CDH18: variants seen among roughly 807,000 people sequenced by gnomAD.
CDH18 encodes the protein cadherin 18.
A neutral mutation model predicts 67.9 loss-of-function variants in CDH18; 31 were observed. The ratio of observed to expected loss-of-function variants is 0.46; its 90% CI spans 0.34 to 0.62. The LOEUF is 0.62. Among genes scored for constraint, CDH18 ranks in the 20% least tolerant of loss-of-function variants. The probability of loss-of-function intolerance (pLI) is 0.01; values close to 1 mark genes in which losing one functional copy is unlikely to be tolerated. For synonymous variants in CDH18, 362 were observed against 347.2 expected (o/e 1.04, Z -0.48); for missense variants, 890 against 975.5 (o/e 0.91, Z 1.17).
At chr5:19,749,959 A>G (rs943869749) in intron 3 of CDH18, among the ~76,000 whole-genome samples, 46 of 151,964 alleles carry the variant, frequency 3.0e-4, no homozygotes, top group African/African-American at 9.9e-4. Flanking sequence ...ATAACCTTAC[A>G]CCAAATATTA....
intron 2 of CDH18, among the ~76,000 whole-genome samples, chr5:19,921,944 G>T (rs1485247818): frequency 6.6e-6 from 1 of 151,346 alleles, no homozygotes; most frequent in Admixed American, 6.6e-5. Flanking sequence ...ATTCTAAATC[G>T]AAAACCTTTG....
At chr5:20,091,844 T>C (rs1403463890) in intron 2 of CDH18, among the ~76,000 whole-genome samples, 1 of 151,822 alleles carries the variant, frequency 6.6e-6, no homozygotes, top group Non-Finnish European at 1.5e-5. Context: ...ACCACAAAAC[T>C]TTGGTGACAT....
At chr5:19,568,428 C>T (rs1740805744) in intron 8 of CDH18, among the ~76,000 whole-genome samples, 1 of 152,120 alleles carries the variant, frequency 6.6e-6, no homozygotes, top group South Asian at 2.1e-4. Context: ...TGGTAGTCTG[C>T]AATCCAGAAG....
chr5:20,462,512 T>C (rs76275120), intron 1 of CDH18, among the ~76,000 whole-genome samples: 9,751 of 152,270 alleles, frequency 0.064, 995 homozygotes, highest in African/African-American at 0.21. Flanking sequence ...GTTCCCAACA[T>C]ATAGAAATGA....
chr5:20,314,387 T>C (rs1737272764), intron 1 of CDH18, among the ~76,000 whole-genome samples: 1 of 152,056 alleles, frequency 6.6e-6, no homozygotes, highest in African/African-American at 2.4e-5. Context: ...TCTTTAACAT[T>C]TCCTTTCACC....
chr5:19,492,110 T>C (rs1741575162), intron 11 of CDH18, among the ~76,000 whole-genome samples: 1 of 152,138 alleles, frequency 6.6e-6, no homozygotes, highest in African/African-American at 2.4e-5. Context: ...ACAAATTAAA[T>C]GTGATTTAGA....
chr5:20,038,549 T>C lies in CDH18; in HGVS notation c.-517-46535A>G, dbSNP rs188477539. Among the ~76,000 whole-genome samples the C allele has an allele frequency of 3.7e-4, 56 of 152,198 alleles. No homozygotes were observed. The East Asian group carries it at 3.9e-3, about 10-fold the overall frequency. On this transcript the variant is annotated intron_variant, in intron 2 of 14. Transcript: ENST00000507958. ...TGCAAGCTGGTTCAACATATGCAAA[T>C]CAACAAATGTAATCCATCACATAAA...
chr5:20,089,585 A>G (rs1745254406), intron 2 of CDH18, among the ~76,000 whole-genome samples: 1 of 152,180 alleles, frequency 6.6e-6, no homozygotes, highest in Non-Finnish European at 1.5e-5. Flanking sequence ...ACATTAAAAT[A>G]TGTTAAAAAT....
intron 1 of CDH18, among the ~76,000 whole-genome samples, chr5:20,537,543 G>A (rs990806377): frequency 1.3e-5 from 2 of 151,882 alleles, no homozygotes; most frequent in Non-Finnish European, 2.9e-5. Flanking sequence ...TTTTTTAAAA[G>A]CCTAGAAATA....
At chr5:20,148,982 A>G (rs942427508) in intron 2 of CDH18, among the ~76,000 whole-genome samples, 9 of 152,090 alleles carry the variant, frequency 5.9e-5, no homozygotes, top group Non-Finnish European at 1.3e-4. Flanking sequence ...GCAATTTCTA[A>G]CAGCAGAGTT....
intron 1 of CDH18, among the ~76,000 whole-genome samples, chr5:20,391,536 T>C (rs376645373): frequency 2.0e-5 from 3 of 152,098 alleles, no homozygotes; most frequent in Admixed American, 6.6e-5. Context: ...TCATGCTTAA[T>C]ATCTTATTCC....
At chr5:19,651,395 G>A (rs1002759057) in intron 5 of CDH18, among the ~76,000 whole-genome samples, 1 of 152,038 alleles carries the variant, frequency 6.6e-6, no homozygotes, top group Non-Finnish European at 1.5e-5. Flanking sequence ...TCAATACGTA[G>A]TTCTGAAACA....
chr5:19,588,826 G>C (rs1300263327), intron 7 of CDH18, among the ~76,000 whole-genome samples: 1 of 151,910 alleles, frequency 6.6e-6, no homozygotes, highest in Non-Finnish European at 1.5e-5. Flanking sequence ...AATGGTAAAG[G>C]GTTCAATTCA....
At chr5:19,579,160 G>A (rs1742811103) in intron 7 of CDH18, among the ~76,000 whole-genome samples, 1 of 151,816 alleles carries the variant, frequency 6.6e-6, no homozygotes, top group African/African-American at 2.4e-5. Context: ...AAATTTGTGA[G>A]CTATAACCCT....
chr5:19,648,753 T>C (rs769430517), intron 5 of CDH18, among the ~76,000 whole-genome samples: 3 of 152,094 alleles, frequency 2.0e-5, no homozygotes, highest in Non-Finnish European at 2.9e-5. Context: ...ATTATAATAC[T>C]TTTATTTTTA....
At chr5:20,200,422 C>T (rs532795132) in intron 2 of CDH18, among the ~76,000 whole-genome samples, 2 of 152,142 alleles carry the variant, frequency 1.3e-5, no homozygotes, top group Non-Finnish European at 2.9e-5. Context: ...ACCTGTAATC[C>T]CAAGACTTTG....
chr5:19,489,680 A>AT (rs1741068729), intron 11 of CDH18, among the ~76,000 whole-genome samples: 1 of 152,218 alleles, frequency 6.6e-6, no homozygotes, highest in African/African-American at 2.4e-5. Flanking sequence ...TATTACCAAG[A>AT]TTTTTAAAAA....
intron 3 of CDH18, among the ~76,000 whole-genome samples, chr5:19,834,154 T>TC (rs2150005199): frequency 7.1e-6 from 1 of 140,746 alleles, no homozygotes; most frequent in African/African-American, 2.8e-5. Context: ...GTCCTGGGAT[T>TC]TTTTTTTTTT....
chr5:20,506,476 G>C (rs1754668957), intron 1 of CDH18, among the ~76,000 whole-genome samples: 1 of 152,200 alleles, frequency 6.6e-6, no homozygotes, highest in African/African-American at 2.4e-5. Context: ...CTGACAGATA[G>C]CAAGGAGCTG....
Sources: allele counts gnomAD v4.1 joint callset (sites outside exome capture counted in the v4.1 genomes callset), GRCh38; gene constraint gnomAD v4.1.1; transcripts MANE v1.5; gene names NCBI Gene and HGNC (gene_info 2026-07-23, HGNC 2026-07-21).